The following TRIM44 variants were observed in gnomAD, a reference collection of about 807,000 sequenced individuals.
TRIM44 encodes tripartite motif containing 44, also known as tripartite motif-containing protein 44.
In TRIM44, 13 loss-of-function variants were observed where a neutral mutation model predicts 37.4. The observed-to-expected ratio is 0.35, with a 90% CI of 0.23 to 0.55. The LOEUF (loss-of-function observed/expected upper bound fraction) is 0.55. TRIM44 is among the 20% of genes least tolerant of loss of function. The probability of loss-of-function intolerance (pLI) is 0.89; values close to 1 mark genes in which losing one functional copy is unlikely to be tolerated. For synonymous variants in TRIM44, 175 were observed against 157.2 expected (o/e 1.11, Z -0.85); for missense variants, 426 against 437.2 (o/e 0.97, Z 0.23).
intron 4 of TRIM44, among the ~76,000 whole-genome samples, chr11:35,743,673 A>G (rs950423100): frequency 1.3e-5 from 2 of 152,180 alleles, no homozygotes; most frequent in African/African-American, 4.8e-5. Flanking sequence ...TTTATTACAT[A>G]AAAGACACTG....
chr11:35,711,239 G>A (rs1011603649), intron 2 of TRIM44, among the ~76,000 whole-genome samples: 7 of 151,864 alleles, frequency 4.6e-5, no homozygotes, highest in African/African-American at 1.7e-4. Flanking sequence ...CAAGATTACT[G>A]CCTGAATCAG....
chr11:35,813,497 A>G lies in TRIM44; in HGVS notation c.*7112A>G, dbSNP rs1384188095. The G allele has an allele frequency of 6.6e-6, 1 of 152,230 alleles. No individual in the cohort carries two copies. Among genetic ancestry groups the G allele is most frequent in the Admixed American group, 6.5e-5 (1 of 15,280 alleles). The allele number at this position is 152,230 out of a possible 1,614,324, so 9.4% of individuals were successfully genotyped here. The stretch of plus-strand genomic sequence containing the variant: ...CACACATATTTCTAACTGTAAAGGA[A>G]AGAAACAGACTTTTAGAGGAAACAA... On this transcript the variant is annotated 3_prime_UTR_variant, in exon 5 of 5. Transcript: ENST00000299413.
At chr11:35,673,337 C>T (rs1851421572) in intron 1 of TRIM44, among the ~76,000 whole-genome samples, 1 of 152,142 alleles carries the variant, frequency 6.6e-6, no homozygotes, top group Admixed American at 6.6e-5. Context: ...TTCGATGCTA[C>T]TGTATAGAGT....
chr11:35,732,993 C>T (rs1474156593), intron 3 of TRIM44, among the ~76,000 whole-genome samples: 1 of 152,158 alleles, frequency 6.6e-6, no homozygotes, highest in African/African-American at 2.4e-5. Flanking sequence ...TCCCCGCTCT[C>T]CCCTAGAAAT....
At chr11:35,717,583 G>A (rs1477493965) in intron 2 of TRIM44, among the ~76,000 whole-genome samples, 1 of 152,128 alleles carries the variant, frequency 6.6e-6, no homozygotes, top group Admixed American at 6.5e-5. Context: ...AGCCAGCTCT[G>A]CGTGCATTAA....
intron 4 of TRIM44, among the ~76,000 whole-genome samples, chr11:35,771,992 C>G (rs976488389): frequency 1.3e-5 from 2 of 152,150 alleles, no homozygotes; most frequent in Admixed American, 1.3e-4. Context: ...TTTCCTTGGT[C>G]AGCCCAGTGT....
In TRIM44 at chr11:35,814,815, T is replaced by C. The variant is rs1228652573; in HGVS notation, c.*8430T>C. 1 of 152,156 alleles carries C rather than the reference T, an allele frequency of 6.6e-6. No individual in the cohort carries two copies. Among genetic ancestry groups the C allele is most frequent in the Non-Finnish European group, 1.5e-5 (1 of 68,042 alleles). 9.4% of individuals were successfully genotyped at this position (152,156 alleles called of 1,614,324 possible). A position where few individuals can be genotyped will look rare whatever the true frequency, so the allele number is the denominator to read the frequency against. ...TTGTAACCAGCATTTTGTAATACTC[T>C]TAACAGCAGAGGGGATTAAATCATG... On this transcript the variant is annotated 3_prime_UTR_variant, in exon 5 of 5. Coordinates refer to ENST00000299413, the MANE Select transcript of TRIM44 (RefSeq NM_017583.6).
chr11:35,806,245 T>C (rs1853447160), intron 4 of TRIM44, 113 bp from the exon 5 acceptor site: 2 of 1,177,846 alleles, frequency 1.7e-6, no homozygotes, highest in Admixed American at 3.6e-5. Flanking sequence ...TCATGGTAGT[T>C]AAGACTTAAT....
chr11:35,729,537 C>T (rs1448358255), intron 3 of TRIM44, among the ~76,000 whole-genome samples: 1 of 152,176 alleles, frequency 6.6e-6, no homozygotes, highest in Non-Finnish European at 1.5e-5. Context: ...CTAGGCTATG[C>T]ACTTCCCCAG....
intron 3 of TRIM44, among the ~76,000 whole-genome samples, chr11:35,730,700 T>A (rs1852245684): frequency 6.6e-6 from 1 of 152,218 alleles, no homozygotes; most frequent in Non-Finnish European, 1.5e-5. Context: ...TTCATGGTTT[T>A]CATTTAAAGG....
intron 2 of TRIM44, among the ~76,000 whole-genome samples, chr11:35,716,170 A>C (rs938280575): frequency 6.6e-6 from 1 of 152,162 alleles, no homozygotes; most frequent in African/African-American, 2.4e-5. Context: ...ATAATCACTA[A>C]GTTTGAAGGG....
chr11:35,743,836 C>T (rs184482548), intron 4 of TRIM44, among the ~76,000 whole-genome samples: 1 of 152,292 alleles, frequency 6.6e-6, no homozygotes, highest in East Asian at 1.9e-4. Context: ...TCCATGATAC[C>T]TTGGCGTGAA....
At chr11:35,683,036 C>T (rs1251543815) in intron 1 of TRIM44, among the ~76,000 whole-genome samples, 1 of 151,978 alleles carries the variant, frequency 6.6e-6, no homozygotes, top group Non-Finnish European at 1.5e-5. Context: ...CTTGTTCAGC[C>T]AATGAGAAGC....
chr11:35,778,139 G>T (rs189047728), intron 4 of TRIM44, among the ~76,000 whole-genome samples: 2 of 152,250 alleles, frequency 1.3e-5, no homozygotes, highest in Admixed American at 1.3e-4. Flanking sequence ...ATATTTCTTG[G>T]AGGCTTTGTT....
rs1022602529 is a variant in TRIM44, at chr11:35,808,488, G to A, written c.*2103G>A. 5.9e-5 allele frequency: 9 copies of A among 152,122 alleles called. No homozygotes were observed. The highest frequency in any genetic ancestry group is 2.2e-4 in the African/African-American group (9 of 41,420). 9.4% of individuals were successfully genotyped at this position (152,122 alleles called of 1,614,324 possible). ...ATCTCCAAATAGTAGCCTTATATTA[G>A]CAATAGACAGATCATTGGTTCTCCA... On this transcript the variant is annotated 3_prime_UTR_variant, in exon 5 of 5. Transcript: ENST00000299413.
At chr11:35,752,703 CTCT>C (rs1852573983) in intron 4 of TRIM44, among the ~76,000 whole-genome samples, 1 of 152,166 alleles carries the variant, frequency 6.6e-6, no homozygotes, top group African/African-American at 2.4e-5. Context: ...TGCTTTCTTC[CTCT>C]TCTTCAGAGG....
intron 4 of TRIM44, among the ~76,000 whole-genome samples, chr11:35,779,044 G>A (rs1405037881): frequency 6.6e-6 from 1 of 152,206 alleles, no homozygotes; most frequent in Admixed American, 6.5e-5. Flanking sequence ...GCCCCCAGAG[G>A]TGGAGTCTAC....
At chr11:35,756,072 T>C (rs1262766576) in intron 4 of TRIM44, among the ~76,000 whole-genome samples, 2 of 152,242 alleles carry the variant, frequency 1.3e-5, no homozygotes, top group African/African-American at 2.4e-5. Context: ...GGGGATGACA[T>C]TGAATCTATA....
intron 4 of TRIM44, 72 bp downstream of exon 4, chr11:35,735,517 A>G (rs1162944508): frequency 1.4e-6 from 2 of 1,462,970 alleles, no homozygotes; most frequent in Non-Finnish European, 1.9e-6. Context: ...TTAGTGCTCC[A>G]TGAAATATAG....
Sources: gnomAD v4.1 joint callset for allele counts (sites outside exome capture counted in the v4.1 genomes callset) on GRCh38, gnomAD v4.1.1 for gene constraint, MANE v1.5 for transcripts, NCBI Gene and HGNC (gene_info 2026-07-23, HGNC 2026-07-21) for gene names.